Variants in EEF1AKMT1 observed in about 807,000 individuals in gnomAD.
EEF1AKMT1 encodes EEF1A lysine methyltransferase 1, also known as N-6 adenine-specific DNA methyltransferase 2 (putative).
In EEF1AKMT1, 18 loss-of-function variants were observed where a neutral mutation model predicts 21.0. That is an observed-to-expected ratio of 0.86 (90% confidence interval 0.59 to 1.27). The LOEUF (loss-of-function observed/expected upper bound fraction) is 1.27. Among genes scored for constraint, EEF1AKMT1 ranks in the 50% most tolerant of loss-of-function variants. The pLI is 0.00. For synonymous variants in EEF1AKMT1, 109 were observed against 94.8 expected, an observed-to-expected ratio of 1.15 and a Z score of -0.87; for missense variants, 246 against 258.6, an observed-to-expected ratio of 0.95 and a Z score of 0.33.
At chr13:20,729,340 G>C in intron 4 of EEF1AKMT1, 124 bp from the exon 5 acceptor site, 1 of 1,100,506 alleles carries the variant, frequency 9.1e-7, no homozygotes. Flanking sequence ...TCACAAGTGG[G>C]GGGAGGGAGC....
chr13:20,773,530 G>T (rs2059073675), intron 1 of EEF1AKMT1, among the ~76,000 whole-genome samples: 1 of 152,224 alleles, frequency 6.6e-6, no homozygotes, highest in Non-Finnish European at 1.5e-5. Context: ...ACTTCTGAGG[G>T]CAAAGATGAA....
intron 2 of EEF1AKMT1, among the ~76,000 whole-genome samples, chr13:20,756,739 T>C (rs953110153): frequency 2.0e-5 from 3 of 152,234 alleles, no homozygotes; most frequent in Non-Finnish European, 4.4e-5. Context: ...TTTCCTCTGA[T>C]TGTTCTCCAC....
Position 20,769,928 on chromosome 13 carries a change from T to A in EEF1AKMT1, c.-20+3993A>T, listed in dbSNP as rs1161438278. 2.0e-5 allele frequency among the ~76,000 whole-genome samples: 3 copies of A among 151,942 alleles called. No homozygotes were observed. The East Asian group carries it at 5.8e-4, about 29-fold the overall frequency. ...TGTAGAGAAAGTGAGGAAAATGACATATGAACAAAATGGAAATATAAATAG... is the reference window on the plus strand; with the variant it reads ...TGTAGAGAAAGTGAGGAAAATGACAAATGAACAAAATGGAAATATAAATAG... On this transcript the variant is annotated intron_variant, in intron 1 of 4. Coordinates refer to ENST00000382758, the MANE Select transcript of EEF1AKMT1 (RefSeq NM_001318939.2).
chr13:20,729,163 A>T lies in EEF1AKMT1; in HGVS notation c.562T>A (p.Phe188Ile). 1.2e-6 allele frequency: 2 copies of T among 1,614,182 alleles called. No homozygotes were observed. The highest frequency in any genetic ancestry group is 8.5e-7 in the Non-Finnish European group (1 of 1,180,038). Reference sequence around the variant, plus strand: ...AAGTTCCGGGTGTGTCTTGGAACAAACGTGCACATCTTCACTCCAAGGAGT... The same window carrying T: ...AAGTTCCGGGTGTGTCTTGGAACAATCGTGCACATCTTCACTCCAAGGAGT... ...AELLGVKMCT[F>I]VPRHTRNLAN... The change falls in exon 5 of 5, where the codon TTT becomes ATT. Residue 188 changes from phenylalanine to isoleucine, a missense_variant. Transcript: ENST00000382758.
chr13:20,759,472 C>T (rs1174266720), intron 1 of EEF1AKMT1, among the ~76,000 whole-genome samples: 6 of 151,782 alleles, frequency 4.0e-5, no homozygotes, highest in African/African-American at 9.7e-5. Flanking sequence ...CCCAGCTACC[C>T]GGGAGGCTGA....
chr13:20,767,651 TGG>T (rs2059042404), intron 1 of EEF1AKMT1, among the ~76,000 whole-genome samples: 1 of 152,114 alleles, frequency 6.6e-6, no homozygotes. Context: ...TGCCTTGGTG[TGG>T]TTTTTTACAC....
At position 20,729,104 on chromosome 13, in the gene EEF1AKMT1, A is replaced by G; in HGVS notation, c.621T>C (p.Asp207=). The change falls in exon 5 of 5, where the codon GAT becomes GAC. Residue 207 remains aspartate (D), a synonymous_variant. Coordinates refer to ENST00000382758, the MANE Select transcript of EEF1AKMT1 (RefSeq NM_001318939.2). ...ATCAGATCCCACAGTCCAGCCCAGA[A>G]TCATAATTCACATAACAGCGAAACT... is the stretch of plus-strand genomic sequence containing the variant. ...ANEFRCYVNY[D]SGLDCGI 6.2e-7 allele frequency: 1 copy of G among 1,614,214 alleles called. No individual in the cohort carries two copies. The highest frequency in any genetic ancestry group is 8.5e-7 in the Non-Finnish European group (1 of 1,180,040).
chr13:20,749,159 A>C (rs1366834867), intron 2 of EEF1AKMT1, among the ~76,000 whole-genome samples: 1 of 152,188 alleles, frequency 6.6e-6, no homozygotes, highest in Non-Finnish European at 1.5e-5. Flanking sequence ...AGAGTAAGTA[A>C]ATGCATGACT....
rs148632200 is a variant in EEF1AKMT1 at position 20,751,255 on chromosome 13, G to A, written c.144+6200C>T. Among the ~76,000 whole-genome samples, 126 of 152,242 alleles carry A rather than the reference G, an allele frequency of 8.3e-4. No homozygotes were observed. The East Asian group carries it at 0.022, about 26-fold the overall frequency. On this transcript the variant is annotated intron_variant, in intron 2 of 4. Coordinates refer to ENST00000382758, the MANE Select transcript of EEF1AKMT1 (RefSeq NM_001318939.2). ...CCATGAAATCTTTGCCTAGACCAAC[G>A]TTCTGAAGTGTGTCCCTTATGTTTT...
rs60730051 is a variant in EEF1AKMT1, at chr13:20,747,462, C to CTTTTTTTTTTTTTTTTTTTTTTTTTT, written c.145-9658_145-9657insAAAAAAAAAAAAAAAAAAAAAAAAAA. 6.8e-5 allele frequency: 6 copies of CTTTTTTTTTTTTTTTTTTTTTTTTTT among 87,654 alleles called. 1 individual carries two copies. Among genetic ancestry groups the CTTTTTTTTTTTTTTTTTTTTTTTTTT allele is most frequent in the African/African-American group, 1.6e-4 (3 of 19,070 alleles). 5.4% of individuals were successfully genotyped at this position (87,654 alleles called of 1,614,324 possible). A position where few individuals can be genotyped will look rare whatever the true frequency, so the allele number is the denominator to read the frequency against. The stretch of plus-strand genomic sequence containing the variant: ...GATCTCTGTGCCAGTTAGGCACATT[C>CTTTTTTTTTTTTTTTTTTTTTTTTTT]TTTTTTTTTTTTTTTTTTTTTGAGA... On this transcript the variant is annotated intron_variant, in intron 2 of 4. Coordinates refer to ENST00000382758, the MANE Select transcript of EEF1AKMT1 (RefSeq NM_001318939.2).
At chr13:20,738,575 G>A (rs987251162) in intron 2 of EEF1AKMT1, among the ~76,000 whole-genome samples, 11 of 152,158 alleles carry the variant, frequency 7.2e-5, no homozygotes, top group African/African-American at 2.7e-4. Context: ...GCCCTGTGTG[G>A]AAACAACTCA....
intron 2 of EEF1AKMT1, 45 bp from the exon 3 acceptor site, chr13:20,737,850 G>A: frequency 1.4e-6 from 2 of 1,403,972 alleles, no homozygotes; most frequent in Non-Finnish European, 9.9e-7. Context: ...ACTGGCATAA[G>A]CTTTGTTCTT....
At chr13:20,762,923 G>C (rs1056513542) in intron 1 of EEF1AKMT1, among the ~76,000 whole-genome samples, 1 of 152,106 alleles carries the variant, frequency 6.6e-6, no homozygotes, top group African/African-American at 2.4e-5. Context: ...CAACTTATAC[G>C]ATCATGTGAT....
intron 1 of EEF1AKMT1, among the ~76,000 whole-genome samples, chr13:20,761,736 C>A (rs2059002401): frequency 6.6e-6 from 1 of 152,206 alleles, no homozygotes; most frequent in Non-Finnish European, 1.5e-5. Flanking sequence ...ATTCTCTTTG[C>A]AGTCATGTAG....
rs142776280 is a variant in EEF1AKMT1, at chr13:20,732,227, T to C, written c.228-106A>G. ...ATGGGTCCGAGTGCTCAGAGTTTCTTACAGGAAACAATAATGCAAACTAGT... is the reference window on the plus strand; with the variant it reads ...ATGGGTCCGAGTGCTCAGAGTTTCTCACAGGAAACAATAATGCAAACTAGT... On this transcript the variant is annotated intron_variant, in intron 3 of 4. Transcript: ENST00000382758. The C allele has an allele frequency of 7.6e-4, 968 of 1,269,632 alleles. 5 individuals carry two copies. The African/African-American group carries it at 0.013, about 17-fold the overall frequency. The allele number at this position is 1,269,632 out of a possible 1,614,324, so 78.6% of individuals were successfully genotyped here. A position where few individuals can be genotyped will look rare whatever the true frequency, so the allele number is the denominator to read the frequency against.
intron 1 of EEF1AKMT1, among the ~76,000 whole-genome samples, chr13:20,770,008 A>G (rs1191507186): frequency 1.3e-5 from 2 of 152,246 alleles, no homozygotes; most frequent in Non-Finnish European, 2.9e-5. Context: ...TGAAAAATAC[A>G]ATAATGAAAT....
chr13:20,732,674 T>C (rs1238891384), intron 3 of EEF1AKMT1, among the ~76,000 whole-genome samples: 1 of 152,346 alleles, frequency 6.6e-6, no homozygotes, highest in Non-Finnish European at 1.5e-5. Context: ...ATAGTTTTTA[T>C]AGTGAAAAAT....
At chr13:20,760,768 A>G (rs2058997601) in intron 1 of EEF1AKMT1, among the ~76,000 whole-genome samples, 1 of 151,378 alleles carries the variant, frequency 6.6e-6, no homozygotes, top group African/African-American at 2.5e-5. Flanking sequence ...AAAATAATGG[A>G]CACACTTAAT....
At position 20,767,607 on chromosome 13, in the gene EEF1AKMT1, C is replaced by CT. The variant is rs140218450; in HGVS notation, c.-20+6313dup. 9.7e-3 allele frequency among the ~76,000 whole-genome samples: 1,482 copies of CT among 152,024 alleles called. 26 individuals carry two copies. The highest frequency in any genetic ancestry group is 0.034 in the African/African-American group (1,427 of 41,494). ...TTCTAATGGTTTTTAAGGTTTTTCT[C>CT]TTTATTACTGGTTTTGGGTATTTGA... On this transcript the variant is annotated intron_variant, in intron 1 of 4. Transcript: ENST00000382758.
Sources: allele counts gnomAD v4.1 joint callset (sites outside exome capture counted in the v4.1 genomes callset), GRCh38; gene constraint gnomAD v4.1.1; transcripts MANE v1.5; gene names NCBI Gene and HGNC (gene_info 2026-07-23, HGNC 2026-07-21).